KEL: variants seen among roughly 807,000 people sequenced by gnomAD.
KEL encodes the protein kell blood group glycoprotein.
Under a neutral mutation model 99.5 loss-of-function variants are expected in KEL, and 96 were observed. The ratio of observed to expected loss-of-function variants is 0.97; its 90% confidence interval spans 0.82 to 1.14. KEL has a LOEUF of 1.14. Among genes scored for constraint, KEL ranks in the 50% most tolerant of loss-of-function variants. KEL has a pLI of 0.00. For synonymous variants in KEL, 355 were observed against 354.8 expected (o/e 1.00, Z -0.01); for missense variants, 926 against 924.2 (o/e 1.00, Z -0.03).
rs541247492 is a variant in KEL at position 142,954,306 on chromosome 7, C to A, written c.802G>T (p.Val268Leu). Residue 268 changes from valine (V) to leucine (L), a missense_variant, in exon 8 of 19, where the codon GTG (valine) becomes TTG (leucine). Val to Leu is a conservative substitution (Grantham distance 32, BLOSUM62 1). Coordinates refer to ENST00000355265, the MANE Select transcript of KEL (RefSeq NM_000420.3). ...ATTGACAAGGAAGAGTGTTCTTGCACCTTGCTTGGGTCTCCTCCCAGCAAG... is the reference window on the plus strand; with the variant it reads ...ATTGACAAGGAAGAGTGTTCTTGCAACTTGCTTGGGTCTCCTCCCAGCAAG... ...GTLLGGDPSK[V>L]QEHSSLSISI... The A allele has an allele frequency of 2.4e-5, 39 of 1,614,120 alleles. No individual in the cohort carries two copies. The highest frequency in any genetic ancestry group is 3.2e-5 in the Non-Finnish European group (38 of 1,179,996).
intron 11 of KEL, 160 bp from the exon 12 acceptor site, chr7:142,944,901 T>C: frequency 1.5e-6 from 1 of 682,612 alleles, no homozygotes; most frequent in Non-Finnish European, 2.6e-6. Context: ...AACTAAAGGA[T>C]CTGTGGAGAA....
At chr7:142,954,065 G>A in intron 8 of KEL, 109 bp from the exon 9 acceptor site, 1 of 1,409,728 alleles carries the variant, frequency 7.1e-7, no homozygotes, top group Non-Finnish European at 9.9e-7. Context: ...TGGGGGAGGG[G>A]ATGGAGTCAG....
chr7:142,948,576 C>T (rs1259235588), intron 10 of KEL, among the ~76,000 whole-genome samples: 5 of 151,986 alleles, frequency 3.3e-5, no homozygotes, highest in Non-Finnish European at 5.9e-5. Flanking sequence ...AATTGTGGAA[C>T]GAATCATTAA....
chr7:142,957,259 G>A (rs933462894), intron 6 of KEL, among the ~76,000 whole-genome samples: 1 of 152,200 alleles, frequency 6.6e-6, no homozygotes, highest in Non-Finnish European at 1.5e-5. Context: ...AGCAGCATAG[G>A]CAAAGAACTG....
rs1796429949 is a variant in KEL at position 142,943,610 on chromosome 7, A to T, written c.1593-14T>A. 4.4e-6 allele frequency: 7 copies of T among 1,591,724 alleles called. No individual in the cohort carries two copies. The highest frequency in any genetic ancestry group is 6.0e-6 in the Non-Finnish European group (7 of 1,160,012). On this transcript the variant is annotated splice_polypyrimidine_tract_variant and intron_variant, in intron 14 of 18. Transcript: ENST00000355265. Reference sequence around the variant, plus strand: ...GACACCTTCCACCTGTGGGAAGAGGACATGTGAACTCCAGCCCCCACCACG... The same window carrying T: ...GACACCTTCCACCTGTGGGAAGAGGTCATGTGAACTCCAGCCCCCACCACG...
intron 4 of KEL, among the ~76,000 whole-genome samples, chr7:142,958,840 CG>C (rs1466793150): frequency 5.3e-5 from 8 of 152,170 alleles, no homozygotes; most frequent in Non-Finnish European, 7.3e-5. Context: ...AAAAGAACTT[CG>C]GTCTCCGCAA....
chr7:142,944,927 A>T, intron 11 of KEL, 186 bp from the exon 12 acceptor site: 1 of 642,588 alleles, frequency 1.6e-6, no homozygotes, highest in Non-Finnish European at 2.8e-6. Context: ...GGCAGTGCCA[A>T]GCCCACAAAG....
chr7:142,961,448 G>A lies in KEL; in HGVS notation c.135C>T (p.Ala45=), dbSNP rs1796957548. The change falls in exon 3 of 19, where the codon GCC becomes GCT. Residue 45 remains alanine (A), a synonymous_variant. Transcript: ENST00000355265. ...PVEGSRPWAV[A]RRVLTAILIL... ...TCAGGATAGCTGTCAGCACCCGCCT[G>A]GCCACTGCCCATGGCCTGCTCCCTT... 2 of 1,612,668 alleles carry A rather than the reference G, an allele frequency of 1.2e-6. No individual in the cohort carries two copies. The highest frequency in any genetic ancestry group is 1.7e-6 in the Non-Finnish European group (2 of 1,179,546).
Position 142,962,362 on chromosome 7 carries a change from C to A in KEL, c.-156G>T. ...TCGCCTTGTCCCCAGACACACAGGACTGGCCTCTGGGTGGAGCCTGCTTAT... is the reference window on the plus strand; with the variant it reads ...TCGCCTTGTCCCCAGACACACAGGAATGGCCTCTGGGTGGAGCCTGCTTAT... On this transcript the variant is annotated 5_prime_UTR_variant, in exon 1 of 19. Coordinates refer to ENST00000355265, the MANE Select transcript of KEL (RefSeq NM_000420.3). 1 of 835,386 alleles carries A rather than the reference C, an allele frequency of 1.2e-6. No individual in the cohort carries two copies. The highest frequency in any genetic ancestry group is 2.0e-6 in the Non-Finnish European group (1 of 498,156). 51.7% of individuals were successfully genotyped at this position (835,386 alleles called of 1,614,324 possible). A position where few individuals can be genotyped will look rare whatever the true frequency, so the allele number is the denominator to read the frequency against.
chr7:142,961,468 T>G lies in KEL; in HGVS notation c.115A>C (p.Ser39Arg). The change falls in exon 3 of 19, where the codon AGC becomes CGC. Residue 39 changes from serine to arginine, a missense_variant. By Grantham distance (110) the Ser-to-Arg change is moderately radical. Transcript: ENST00000355265. ...CGCCTGGCCACTGCCCATGGCCTGCTCCCTTCCACGGGCAGCCTCTCTTCT... is the reference window on the plus strand; with the variant it reads ...CGCCTGGCCACTGCCCATGGCCTGCGCCCTTCCACGGGCAGCCTCTCTTCT... ...TPEERLPVEG[S>R]RPWAVARRVL... 1 of 1,608,048 alleles carries G rather than the reference T, an allele frequency of 6.2e-7. No individual in the cohort carries two copies. The highest frequency in any genetic ancestry group is 8.5e-7 in the Non-Finnish European group (1 of 1,177,290).
At chr7:142,957,721 A>T in intron 6 of KEL, 106 bp downstream of exon 6, 1 of 1,393,626 alleles carries the variant, frequency 7.2e-7, no homozygotes, top group Non-Finnish European at 1.0e-6. Flanking sequence ...TTCCTATATC[A>T]CACAGGTGTC....
intron 10 of KEL, among the ~76,000 whole-genome samples, chr7:142,951,740 A>C (rs1796691088): frequency 6.6e-6 from 1 of 152,310 alleles, no homozygotes; most frequent in African/African-American, 2.4e-5. Context: ...TGAATTCCAC[A>C]GCAATTTTAG....
chr7:142,956,373 C>T (rs145324835), intron 6 of KEL, among the ~76,000 whole-genome samples: 417 of 152,226 alleles, frequency 2.7e-3, no homozygotes, highest in African/African-American at 9.2e-3. Flanking sequence ...GCTGACTCTA[C>T]GCACAACCAT....
intron 10 of KEL, 104 bp downstream of exon 10, chr7:142,952,405 C>T: frequency 7.0e-7 from 1 of 1,429,382 alleles, no homozygotes; most frequent in Non-Finnish European, 9.8e-7. Flanking sequence ...GGGGCATCTA[C>T]CATCACGGCC....
chr7:142,956,478 C>T (rs967074060), intron 6 of KEL, among the ~76,000 whole-genome samples: 6 of 151,962 alleles, frequency 3.9e-5, no homozygotes, highest in Non-Finnish European at 1.5e-5. Context: ...TCACCTTCGC[C>T]TGGCTTCTTA....
At chr7:142,953,205 C>T (rs1796733294) in intron 9 of KEL, 3 of 261,558 alleles carry the variant, frequency 1.1e-5, no homozygotes, top group Non-Finnish European at 1.8e-5. Flanking sequence ...TCAGGGGAGG[C>T]AGAGAGCCCA....
At position 142,954,316 on chromosome 7, in the gene KEL, G is replaced by C; in HGVS notation, c.792C>G (p.Asp264Glu). 1 of 1,614,020 alleles carries C rather than the reference G, an allele frequency of 6.2e-7. No homozygotes were observed. The highest frequency in any genetic ancestry group is 8.5e-7 in the Non-Finnish European group (1 of 1,179,926). The part of the protein sequence containing the change: ...LNQLGTLLGG[D>E]PSKVQEHSSL... ...AAGAGTGTTCTTGCACCTTGCTTGGGTCTCCTCCCAGCAAGGTTCCCAGCT... is the reference window on the plus strand; with the variant it reads ...AAGAGTGTTCTTGCACCTTGCTTGGCTCTCCTCCCAGCAAGGTTCCCAGCT... The change falls in exon 8 of 19, where the codon GAC (aspartate) becomes GAG (glutamate). Residue 264 changes from aspartate to glutamate, a missense_variant. Transcript: ENST00000355265.
In KEL at chr7:142,958,144, C is replaced by T. The variant is rs540887859; in HGVS notation, c.525+160G>A. Among the ~76,000 whole-genome samples, 4 of 152,218 alleles carry T rather than the reference C, an allele frequency of 2.6e-5. No homozygotes were observed. The East Asian group carries it at 7.7e-4, about 29-fold the overall frequency. On this transcript the variant is annotated intron_variant, in intron 5 of 18. Transcript: ENST00000355265. ...TCTGCCTTCTCCCAAGGTCCTGATA[C>T]TTTCATAGGGCATAACCATTTCCAT... is the stretch of plus-strand genomic sequence containing the variant.
rs1306995796 is a variant in KEL at position 142,961,092 on chromosome 7, G to A, written c.236C>T (p.Thr79Ile). Residue 79 changes from threonine to isoleucine, a missense_variant, in exon 4 of 19, where the codon ACA (threonine) becomes ATA (isoleucine). Coordinates refer to ENST00000355265, the MANE Select transcript of KEL (RefSeq NM_000420.3). ...ATCCCGGAGATCCAAACACACAGATGTCTCACAGGGGCCTGTGGGGAAAAG... is the reference window on the plus strand; with the variant it reads ...ATCCCGGAGATCCAAACACACAGATATCTCACAGGGGCCTGTGGGGAAAAG... ...FQNCGPRPCE[T>I]SVCLDLRDHY... is the part of the protein sequence containing the mutation. 1 of 1,613,716 alleles carries A rather than the reference G, an allele frequency of 6.2e-7. No homozygotes were observed. The highest frequency in any genetic ancestry group is 1.3e-5 in the African/African-American group (1 of 74,920).
Sources: allele counts gnomAD v4.1 joint callset (sites outside exome capture counted in the v4.1 genomes callset), GRCh38; gene constraint gnomAD v4.1.1; transcripts MANE v1.5; gene names NCBI Gene and HGNC (gene_info 2026-07-23, HGNC 2026-07-21).